Variants in NEK6 observed in about 807,000 individuals in gnomAD.
NEK6 encodes the protein NIMA related kinase 6.
A neutral mutation model predicts 43.5 loss-of-function variants in NEK6; 27 were observed. The ratio of observed to expected loss-of-function variants is 0.62; its 90% CI spans 0.46 to 0.86. NEK6 has a LOEUF of 0.86. NEK6 is among the 40% of genes least tolerant of loss of function. The probability of loss-of-function intolerance (pLI) is 0.00; values close to 1 mark genes in which losing one functional copy is unlikely to be tolerated. For synonymous variants in NEK6, 167 were observed against 164.1 expected (o/e 1.02, Z -0.14); for missense variants, 318 against 414.4 (o/e 0.77, Z 2.02).
At chr9:124,314,964 A>G (rs960101351) in intron 4 of NEK6, among the ~76,000 whole-genome samples, 1 of 152,174 alleles carries the variant, frequency 6.6e-6, no homozygotes. Flanking sequence ...CCGGCCCCCC[A>G]TGAAACATAC....
At chr9:124,315,524 C>G (rs906023881) in intron 4 of NEK6, among the ~76,000 whole-genome samples, 1 of 152,202 alleles carries the variant, frequency 6.6e-6, no homozygotes, top group Non-Finnish European at 1.5e-5. Context: ...CAAAAAATAT[C>G]CCTCGAAAAC....
rs540956643 is a variant in NEK6 at position 124,305,415 on chromosome 9, G to A, written c.90+3361G>A. On this transcript the variant is annotated intron_variant, in intron 2 of 9. Transcript: ENST00000320246. The stretch of plus-strand genomic sequence containing the variant: ...CTAAAAATATAAAAATTAGCTGGGC[G>A]TGGTGGTGTTCACCTGTAATCTCAG... Among the ~76,000 whole-genome samples the A allele has an allele frequency of 1.6e-3, 236 of 152,182 alleles. 1 individual carries two copies. Among genetic ancestry groups the A allele is most frequent in the African/African-American group, 5.3e-3 (222 of 41,526 alleles).
At position 124,326,202 on chromosome 9, in the gene NEK6, T is replaced by TCACCCCCCCCCCCCCCCCCCC; in HGVS notation, c.406-127_406-126insACCCCCCCCCCCCCCCCCCCC. 2.4e-5 allele frequency: 3 copies of TCACCCCCCCCCCCCCCCCCCC among 124,050 alleles called. No homozygotes were observed. The highest frequency in any genetic ancestry group is 7.2e-5 in the Admixed American group (1 of 13,890). The allele number at this position is 124,050 out of a possible 1,614,324, so 7.7% of individuals were successfully genotyped here. On this transcript the variant is annotated intron_variant, in intron 5 of 9. Transcript: ENST00000320246. This position sits in a 1 kb window ranked among gnomAD's most constrained non-coding sequence, Gnocchi z 4.5. ...GCTTATTGTTTGCTCAGTGGCTCAA[T>TCACCCCCCCCCCCCCCCCCCC]CCCCCCCCCCCGCCCCTGCCAGGCA... is the stretch of plus-strand genomic sequence containing the variant.
In NEK6 at chr9:124,346,000, C is replaced by G. The variant is rs60831717; in HGVS notation, c.718-1709C>G. Among the ~76,000 whole-genome samples, 40 of 152,336 alleles carry G rather than the reference C, an allele frequency of 2.6e-4. 4 individuals are homozygous for G. The highest frequency in any genetic ancestry group is 2.5e-3 in the South Asian group (12 of 4,824). On this transcript the variant is annotated intron_variant, in intron 8 of 9. Coordinates refer to ENST00000320246, the MANE Select transcript of NEK6 (RefSeq NM_014397.6). ...CTCACACTTCCCCTGCCTGGCCAGA[C>G]CCTCCCTGCAGCCCTCCTCCAAGGG...
chr9:124,311,398 C>T, intron 2 of NEK6, among the ~76,000 whole-genome samples: 1 of 152,140 alleles, frequency 6.6e-6, no homozygotes, highest in Non-Finnish European at 1.5e-5. Flanking sequence ...ACAGCCGGGC[C>T]CATCTCACCA....
At chr9:124,339,460 C>G in intron 7 of NEK6, 111 bp from the exon 8 acceptor site, 1 of 761,190 alleles carries the variant, frequency 1.3e-6, no homozygotes, top group Non-Finnish European at 2.4e-6. Context: ...GCTCAGAGAC[C>G]GAGGCACAAT....
At chr9:124,336,583 C>T (rs1829303032) in intron 7 of NEK6, among the ~76,000 whole-genome samples, 1 of 152,216 alleles carries the variant, frequency 6.6e-6, no homozygotes, top group African/African-American at 2.4e-5. Context: ...ATGTCACAGG[C>T]CACATCTCAG....
intron 9 of NEK6, among the ~76,000 whole-genome samples, 165 bp downstream of exon 9, chr9:124,347,987 T>C (rs868349628): frequency 6.6e-6 from 1 of 152,160 alleles, no homozygotes; most frequent in Admixed American, 6.5e-5. Context: ...AAGTAGGTGA[T>C]TGCACTGAAG....
chr9:124,310,281 G>A lies in NEK6; in HGVS notation c.91-2228G>A, dbSNP rs76771483. On this transcript the variant is annotated intron_variant, in intron 2 of 9. Transcript: ENST00000320246. The stretch of plus-strand genomic sequence containing the variant: ...TGTTCTGAGGACCCAAAGAGTGGGC[G>A]CGTGGGCGGTGTCTGCACAGAGCCC... Among the ~76,000 whole-genome samples the A allele has an allele frequency of 7.8e-3, 1,191 of 152,378 alleles. 9 individuals are homozygous for A. Among genetic ancestry groups the A allele is most frequent in the Middle Eastern group, 0.027 (8 of 294 alleles).
At chr9:124,293,965 C>G (rs1156326549) in intron 1 of NEK6, among the ~76,000 whole-genome samples, 1 of 152,232 alleles carries the variant, frequency 6.6e-6, no homozygotes, top group Non-Finnish European at 1.5e-5. Context: ...ACTGTGTGCT[C>G]ACAGAGTCCT....
At chr9:124,277,105 T>C (rs1831680001) in intron 1 of NEK6, among the ~76,000 whole-genome samples, 2 of 152,178 alleles carry the variant, frequency 1.3e-5, no homozygotes, top group African/African-American at 4.8e-5. Flanking sequence ...ACTGTGGACA[T>C]TCCTGAGCCT....
chr9:124,340,260 A>G (rs1207437930), intron 8 of NEK6, among the ~76,000 whole-genome samples: 1 of 152,046 alleles, frequency 6.6e-6, no homozygotes, highest in Non-Finnish European at 1.5e-5. Context: ...ACGTGAGACA[A>G]TAAGAATAAA....
chr9:124,286,489 G>A (rs1231632045), intron 1 of NEK6: 9 of 152,234 alleles, frequency 5.9e-5, no homozygotes, highest in African/African-American at 1.4e-4. Context: ...GACGAAGGTC[G>A]GGTGAGTGCT....
chr9:124,320,838 TC>T (rs1395535559), intron 4 of NEK6, among the ~76,000 whole-genome samples: 1 of 152,166 alleles, frequency 6.6e-6, no homozygotes, highest in Non-Finnish European at 1.5e-5. Context: ...GCAGCCGTAG[TC>T]CCAACTGCTC....
intron 7 of NEK6, among the ~76,000 whole-genome samples, chr9:124,331,206 C>T (rs1206184094): frequency 6.7e-5 from 9 of 134,508 alleles, no homozygotes; most frequent in Non-Finnish European, 1.2e-4. Context: ...GTGAAGGTTG[C>T]AGTCAGCTGA....
At chr9:124,314,498 G>GTT (rs112945731) in intron 4 of NEK6, among the ~76,000 whole-genome samples, 7 of 146,852 alleles carry the variant, frequency 4.8e-5, no homozygotes, top group East Asian at 2.0e-4. Context: ...GTGGTGGTGG[G>GTT]TTTTTTTTTT....
At chr9:124,293,514 A>G (rs1317220002) in intron 1 of NEK6, among the ~76,000 whole-genome samples, 1 of 152,162 alleles carries the variant, frequency 6.6e-6, no homozygotes, top group Admixed American at 6.5e-5. Flanking sequence ...ATTGGGTTTT[A>G]TTACCTGAGG....
chr9:124,288,804 C>T (rs551410355), intron 1 of NEK6, among the ~76,000 whole-genome samples: 72 of 151,982 alleles, frequency 4.7e-4, no homozygotes, highest in African/African-American at 1.5e-3. Context: ...AATTTGTACT[C>T]GGGGCTCTCA....
chr9:124,286,605 A>G (rs531962071), intron 1 of NEK6: 1 of 152,410 alleles, frequency 6.6e-6, no homozygotes, highest in Admixed American at 6.5e-5. Flanking sequence ...GATTTGAGTC[A>G]TCAGCCTGGC....
Sources: gnomAD v4.1 joint callset for allele counts (sites outside exome capture counted in the v4.1 genomes callset) on GRCh38, gnomAD v4.1.1 for gene constraint, Gnocchi (gnomAD v3.1) non-coding constraint, MANE v1.5 for transcripts, NCBI Gene and HGNC (gene_info 2026-07-23, HGNC 2026-07-21) for gene names.